CSNK1A1: variants seen among roughly 807,000 people sequenced by gnomAD.
The protein encoded by CSNK1A1 is casein kinase I isoform alpha.
A neutral mutation model predicts 46.1 loss-of-function variants in CSNK1A1; 7 were observed. That is an observed-to-expected ratio of 0.15 (90% confidence interval 0.09 to 0.29). CSNK1A1 has a LOEUF of 0.29. Among genes scored for constraint, CSNK1A1 ranks in the 10% least tolerant of loss-of-function variants. The pLI is 1.00. For synonymous variants in CSNK1A1, 137 were observed against 141.5 expected, an observed-to-expected ratio of 0.97 and a Z score of 0.23; for missense variants, 96 against 417.1, an observed-to-expected ratio of 0.23 and a Z score of 6.71.
At chr5:149,512,859 G>C (rs1475098879) in intron 5 of CSNK1A1, among the ~76,000 whole-genome samples, 27 of 152,082 alleles carry the variant, frequency 1.8e-4, no homozygotes, top group Non-Finnish European at 1.5e-5. Context: ...CCCCCCAAGA[G>C]ACAACCTTCA....
At chr5:149,539,884 A>G (rs1038964843) in intron 2 of CSNK1A1, among the ~76,000 whole-genome samples, 1 of 152,192 alleles carries the variant, frequency 6.6e-6, no homozygotes, top group East Asian at 1.9e-4. Flanking sequence ...ACACCAACTT[A>G]CAAGATTGGT....
intron 2 of CSNK1A1, chr5:149,545,946 T>C: frequency 4.7e-6 from 1 of 214,666 alleles, no homozygotes; most frequent in South Asian, 6.5e-5. Context: ...TGGAGTGCAG[T>C]GGCACGATCT....
At chr5:149,502,431 C>A (rs998950119) in intron 9 of CSNK1A1, 3 of 504,428 alleles carry the variant, frequency 5.9e-6, no homozygotes, top group African/African-American at 4.2e-5. Context: ...CAGCCTCAAC[C>A]TCCAGGGCTC....
intron 9 of CSNK1A1, among the ~76,000 whole-genome samples, chr5:149,499,880 A>G (rs1437527385): frequency 6.6e-6 from 1 of 151,948 alleles, no homozygotes; most frequent in African/African-American, 2.4e-5. Flanking sequence ...ACAACTTTTT[A>G]AAAGTTATTT....
chr5:149,524,718 T>C (rs1761675631), intron 3 of CSNK1A1, among the ~76,000 whole-genome samples: 2 of 152,146 alleles, frequency 1.3e-5, no homozygotes, highest in African/African-American at 4.8e-5. Context: ...AAAATGTCAA[T>C]AAACATTTAT....
In CSNK1A1 at chr5:149,495,744, T is replaced by TAAAAAAAAAAA. The variant is rs149346325; in HGVS notation, c.*1098_*1108dup. 14 of 92,744 alleles carry TAAAAAAAAAAA rather than the reference T, an allele frequency of 1.5e-4. No homozygotes were observed. The highest frequency in any genetic ancestry group is 3.5e-4 in the African/African-American group (9 of 25,860). 5.7% of individuals were successfully genotyped at this position (92,744 alleles called of 1,614,324 possible). On this transcript the variant is annotated 3_prime_UTR_variant, in exon 10 of 10. Coordinates refer to ENST00000377843, the MANE Select transcript of CSNK1A1 (RefSeq NM_001892.6). ...TACTAGATATTGTGCCTGCAAGTCA[T>TAAAAAAAAAAA]AAAAAAAAAAAAAAAAAAAGAAAAA...
At chr5:149,498,146 A>G (rs1366958285) in intron 9 of CSNK1A1, 1 of 985,220 alleles carries the variant, frequency 1.0e-6, no homozygotes, top group African/African-American at 1.7e-5. Flanking sequence ...TTACTTTTTA[A>G]ACATTTGTTG....
intron 5 of CSNK1A1, among the ~76,000 whole-genome samples, chr5:149,512,427 T>C (rs895622099): frequency 2.0e-5 from 3 of 152,176 alleles, no homozygotes; most frequent in Admixed American, 1.3e-4. Flanking sequence ...CTGAAATTCT[T>C]GGTATGAGGT....
At chr5:149,500,925 T>C in intron 9 of CSNK1A1, 21 of 964,260 alleles carry the variant, frequency 2.2e-5, no homozygotes, top group South Asian at 4.8e-5. Flanking sequence ...ATTCCTAAAC[T>C]GCATTAAAAA....
At chr5:149,538,627 A>C (rs1042753314) in intron 2 of CSNK1A1, among the ~76,000 whole-genome samples, 2 of 152,272 alleles carry the variant, frequency 1.3e-5, no homozygotes, top group South Asian at 4.1e-4. Flanking sequence ...ACCAAACTCA[A>C]CCTAACAGTG....
intron 2 of CSNK1A1, among the ~76,000 whole-genome samples, chr5:149,541,728 C>T (rs999084257): frequency 2.0e-5 from 3 of 151,874 alleles, no homozygotes; most frequent in African/African-American, 7.3e-5. Flanking sequence ...GTAATCCCAG[C>T]ACTTTGGGAG....
intron 2 of CSNK1A1, among the ~76,000 whole-genome samples, chr5:149,546,329 C>T (rs1762481848): frequency 6.6e-6 from 1 of 152,066 alleles, no homozygotes; most frequent in East Asian, 1.9e-4. Flanking sequence ...GTAAGATATA[C>T]CAAAGTATCT....
At chr5:149,498,895 TC>T (rs1448741063) in intron 9 of CSNK1A1, 1 of 985,440 alleles carries the variant, frequency 1.0e-6, no homozygotes, top group Non-Finnish European at 1.2e-6. Flanking sequence ...TATCTGTACA[TC>T]TTTTGACCTG....
intron 3 of CSNK1A1, among the ~76,000 whole-genome samples, chr5:149,523,762 A>C (rs1031486181): frequency 6.6e-6 from 1 of 152,210 alleles, no homozygotes; most frequent in Non-Finnish European, 1.5e-5. Context: ...TGTAATTATC[A>C]AATCAGGGTA....
chr5:149,519,584 T>C (rs1761505753), intron 4 of CSNK1A1, among the ~76,000 whole-genome samples: 1 of 152,148 alleles, frequency 6.6e-6, no homozygotes, highest in Non-Finnish European at 1.5e-5. Context: ...CGCCACTAGC[T>C]AAAACCCAAT....
chr5:149,502,367 G>GGTCTCATCTCTGT (rs1760886446), intron 9 of CSNK1A1: 3 of 940,578 alleles, frequency 3.2e-6, no homozygotes, highest in African/African-American at 1.8e-5. Context: ...TGTGACACAG[G>GGTCTCATCTCTGT]GTCTCATCTG....
At chr5:149,534,479 T>C (rs1761993525) in intron 2 of CSNK1A1, among the ~76,000 whole-genome samples, 1 of 41,800 alleles carries the variant, frequency 2.4e-5, no homozygotes, top group Non-Finnish European at 4.3e-5. Context: ...CGAGACTCTG[T>C]CTCAAAAAAA....
intron 2 of CSNK1A1, among the ~76,000 whole-genome samples, chr5:149,547,448 C>T (rs764082838): frequency 2.0e-5 from 3 of 152,152 alleles, no homozygotes; most frequent in Admixed American, 6.6e-5. Context: ...AATGACAATG[C>T]TTAATGCTTT....
intron 6 of CSNK1A1, 34 bp downstream of exon 6, chr5:149,511,760 G>A (rs760232109): frequency 2.1e-6 from 3 of 1,405,030 alleles, no homozygotes; most frequent in Admixed American, 3.9e-5. Context: ...CTAAAAAAGA[G>A]AGAGAAAAAT....
Sources: allele counts gnomAD v4.1 joint callset (sites outside exome capture counted in the v4.1 genomes callset), GRCh38; gene constraint gnomAD v4.1.1; transcripts MANE v1.5; gene names NCBI Gene and HGNC (gene_info 2026-07-23, HGNC 2026-07-21).